Variants in DPP10 observed in about 807,000 individuals in gnomAD.
DPP10 encodes inactive dipeptidyl peptidase 10.
In DPP10, 33 loss-of-function variants were observed where a neutral mutation model predicts 120.9. The observed-to-expected ratio is 0.27, with a 90% CI of 0.21 to 0.37. DPP10 has a LOEUF of 0.37. DPP10 is among the 10% of genes least tolerant of loss of function. DPP10 has a pLI of 1.00. For synonymous variants in DPP10, 337 were observed against 326.1 expected, an observed-to-expected ratio of 1.03 and a Z score of -0.36; for missense variants, 816 against 942.8, an observed-to-expected ratio of 0.87 and a Z score of 1.76.
chr2:115,165,134 T>A (rs1444382013), intron 1 of DPP10, among the ~76,000 whole-genome samples: 1 of 152,226 alleles, frequency 6.6e-6, no homozygotes, highest in African/African-American at 2.4e-5. Context: ...TTATTATTTT[T>A]AAAAATCACT....
At chr2:115,722,194 C>T (rs1447312700) in intron 7 of DPP10, among the ~76,000 whole-genome samples, 4 of 152,116 alleles carry the variant, frequency 2.6e-5, no homozygotes, top group Admixed American at 1.3e-4. Context: ...ATTATACCTA[C>T]AGTCAATGAT....
At chr2:115,837,396 C>T (rs985870348) in intron 24 of DPP10, among the ~76,000 whole-genome samples, 1 of 152,128 alleles carries the variant, frequency 6.6e-6, no homozygotes, top group South Asian at 2.1e-4. Flanking sequence ...TTACAACAGA[C>T]AGCTGAATAT....
At chr2:115,325,368 A>G (rs2062299783) in intron 2 of DPP10, among the ~76,000 whole-genome samples, 1 of 152,210 alleles carries the variant, frequency 6.6e-6, no homozygotes, top group Non-Finnish European at 1.5e-5. Flanking sequence ...TAATAATACA[A>G]TAGAATAAGG....
rs1310327700 is a variant in DPP10, at chr2:115,194,302, G to A, written c.61-114937G>A. Among the ~76,000 whole-genome samples the A allele has an allele frequency of 2.6e-5, 4 of 152,010 alleles. No individual in the cohort carries two copies. The East Asian group carries it at 5.9e-4, about 22-fold the overall frequency. ...TGCAATGGCGTGATCTCGGCTCACC[G>A]CAGCCTCCGCCTCCCAGGTTCAAGC... On this transcript the variant is annotated intron_variant, in intron 1 of 25. Coordinates refer to ENST00000410059, the MANE Select transcript of DPP10 (RefSeq NM_020868.6).
At chr2:115,649,025 T>G (rs955965363) in intron 5 of DPP10, among the ~76,000 whole-genome samples, 14 of 152,096 alleles carry the variant, frequency 9.2e-5, no homozygotes, top group African/African-American at 2.9e-4. Flanking sequence ...ATTACTTTCA[T>G]TATCCTCTTT....
At chr2:114,857,085 T>A (rs1329714956) in intron 1 of DPP10, among the ~76,000 whole-genome samples, 1 of 152,180 alleles carries the variant, frequency 6.6e-6, no homozygotes, top group Non-Finnish European at 1.5e-5. Context: ...AGCTGAAAAT[T>A]GGCAGGACCA....
At chr2:115,242,745 C>T (rs148339062) in intron 1 of DPP10, among the ~76,000 whole-genome samples, 7 of 148,994 alleles carry the variant, frequency 4.7e-5, no homozygotes, top group East Asian at 3.9e-4. Context: ...TTTTGATTGG[C>T]GTTTCCCTGG....
intron 1 of DPP10, among the ~76,000 whole-genome samples, chr2:115,059,589 T>G (rs1452883449): frequency 6.6e-6 from 1 of 150,744 alleles, no homozygotes; most frequent in Non-Finnish European, 1.5e-5. Context: ...TTCAGAGCCA[T>G]TCAGAATTAA....
At chr2:115,217,379 T>G (rs988731404) in intron 1 of DPP10, among the ~76,000 whole-genome samples, 5 of 152,180 alleles carry the variant, frequency 3.3e-5, no homozygotes, top group African/African-American at 1.2e-4. Context: ...TCATTCAATA[T>G]TAATTCTGTT....
chr2:115,085,327 C>CGTGT (rs374792481), intron 1 of DPP10, among the ~76,000 whole-genome samples: 1 of 151,420 alleles, frequency 6.6e-6, no homozygotes, highest in African/African-American at 2.4e-5. Flanking sequence ...TGTGTGAGCA[C>CGTGT]GTGTGTGTGT....
intron 1 of DPP10, among the ~76,000 whole-genome samples, chr2:114,773,252 C>T (rs1329934854): frequency 1.3e-5 from 2 of 152,076 alleles, no homozygotes; most frequent in Admixed American, 6.6e-5. Context: ...AAGGGAAATT[C>T]GAGGAGTGAT....
chr2:115,790,442 G>A (rs527579199), intron 17 of DPP10, among the ~76,000 whole-genome samples: 28 of 152,202 alleles, frequency 1.8e-4, no homozygotes, highest in South Asian at 1.2e-3. Flanking sequence ...TACAGTGCAC[G>A]TACCTCAAAA....
chr2:114,976,471 G>T (rs920582141), intron 1 of DPP10, among the ~76,000 whole-genome samples: 1 of 152,104 alleles, frequency 6.6e-6, no homozygotes, highest in African/African-American at 2.4e-5. Flanking sequence ...AATATTCCTC[G>T]AAGGCTTTTC....
intron 1 of DPP10, among the ~76,000 whole-genome samples, chr2:114,566,018 A>ATGTC (rs1222564678): frequency 1.3e-5 from 2 of 152,226 alleles, no homozygotes; most frequent in Non-Finnish European, 2.9e-5. Flanking sequence ...ATGGGGGTGG[A>ATGTC]TGTCTATAAT....
chr2:114,841,645 G>A (rs185705886), intron 1 of DPP10, among the ~76,000 whole-genome samples: 1 of 152,104 alleles, frequency 6.6e-6, no homozygotes, highest in Non-Finnish European at 1.5e-5. Flanking sequence ...TTCTAGGACT[G>A]AAAGAAACTT....
chr2:114,478,444 A>C (rs73946166), intron 1 of DPP10, among the ~76,000 whole-genome samples: 1 of 152,044 alleles, frequency 6.6e-6, no homozygotes, highest in Non-Finnish European at 1.5e-5. Flanking sequence ...TCTACAAAAA[A>C]CCTAAAATTA....
chr2:114,829,262 C>T (rs201353775), intron 1 of DPP10, among the ~76,000 whole-genome samples: 1 of 151,840 alleles, frequency 6.6e-6, no homozygotes, highest in East Asian at 1.9e-4. Flanking sequence ...TGCACTCCAG[C>T]CTGGGCGACA....
At chr2:115,605,265 G>A (rs2083627554) in intron 5 of DPP10, among the ~76,000 whole-genome samples, 1 of 152,046 alleles carries the variant, frequency 6.6e-6, no homozygotes, top group Admixed American at 6.6e-5. Context: ...TAGTATCACT[G>A]TTTCTCTCAT....
rs151105213 is a variant in DPP10 at position 115,465,560 on chromosome 2, C to T, written c.272-33950C>T. Among the ~76,000 whole-genome samples, 31 of 152,264 alleles carry T rather than the reference C, an allele frequency of 2.0e-4. No individual in the cohort carries two copies. In the East Asian group the frequency reaches 4.3e-3, roughly 21 times the overall value. ...AATGTAGGCCAGGCATGGTGGCTCA[C>T]GCCTGTAATCCCAGTACTTTGGGAG... On this transcript the variant is annotated intron_variant, in intron 3 of 25. Transcript: ENST00000410059.
Sources: allele counts gnomAD v4.1 joint callset (sites outside exome capture counted in the v4.1 genomes callset), GRCh38; gene constraint gnomAD v4.1.1; transcripts MANE v1.5; gene names NCBI Gene and HGNC (gene_info 2026-07-23, HGNC 2026-07-21).